HDAC9: variants seen among roughly 807,000 people sequenced by gnomAD.
HDAC9 encodes the protein MEF-2 interacting transcription repressor (MITR) protein.
Under a neutral mutation model 139.4 loss-of-function variants are expected in HDAC9, and 41 were observed. The observed-to-expected ratio is 0.29, with a 90% confidence interval of 0.23 to 0.38. HDAC9 has a LOEUF of 0.38. Ranked by LOEUF, HDAC9 falls within the 10% of genes least tolerant of loss-of-function variation. The pLI, the probability that HDAC9 is intolerant of heterozygous loss-of-function variation, is 1.00. For missense variants in HDAC9, 1,147 were observed against 1,297.0 expected, an observed-to-expected ratio of 0.88 and a Z score of 1.78; for synonymous variants, 517 against 476.2, an observed-to-expected ratio of 1.09 and a Z score of -1.12.
chr7:18,680,227 C>CTA, intron 12 of HDAC9, among the ~76,000 whole-genome samples: 1 of 152,104 alleles, frequency 6.6e-6, no homozygotes, highest in Admixed American at 6.6e-5. Context: ...TGTGGGGAGC[C>CTA]TACTAGGAGA....
chr7:18,515,683 T>C (rs1402023464), intron 2 of HDAC9, among the ~76,000 whole-genome samples: 1 of 152,192 alleles, frequency 6.6e-6, no homozygotes, highest in Non-Finnish European at 1.5e-5. Context: ...GAAATAGTTA[T>C]AAAATAAAAA....
chr7:18,194,220 A>C (rs1266132224), intron 2 of HDAC9, among the ~76,000 whole-genome samples: 5 of 152,094 alleles, frequency 3.3e-5, no homozygotes, highest in Admixed American at 1.3e-4. Flanking sequence ...TTCTACTTGC[A>C]TTCTTGATTA....
intron 22 of HDAC9, among the ~76,000 whole-genome samples, chr7:18,928,599 CAG>C (rs1204209137): frequency 6.6e-6 from 1 of 152,086 alleles, no homozygotes; most frequent in Non-Finnish European, 1.5e-5. Context: ...TATCTAAAAA[CAG>C]AATTGCTTGG....
At chr7:18,169,907 C>T (rs1353612472) in intron 2 of HDAC9, among the ~76,000 whole-genome samples, 1 of 152,156 alleles carries the variant, frequency 6.6e-6, no homozygotes, top group Non-Finnish European at 1.5e-5. Context: ...GCGAATAGTG[C>T]CGCAATAAAC....
At chr7:18,534,348 C>G (rs1810133632) in intron 2 of HDAC9, among the ~76,000 whole-genome samples, 2 of 151,964 alleles carry the variant, frequency 1.3e-5, no homozygotes, top group South Asian at 4.1e-4. Flanking sequence ...TGAGACCAGC[C>G]TGGACAACAC....
intron 1 of HDAC9, among the ~76,000 whole-genome samples, chr7:18,362,386 G>A (rs569212617): frequency 1.3e-4 from 20 of 152,106 alleles, no homozygotes; most frequent in African/African-American, 4.6e-4. Context: ...TAACAATCAT[G>A]GTAACTTAAA....
At chr7:18,985,659 T>C (rs1385290290) in intron 25 of HDAC9, among the ~76,000 whole-genome samples, 1 of 145,810 alleles carries the variant, frequency 6.9e-6, no homozygotes, top group Non-Finnish European at 1.5e-5. Flanking sequence ...ACTTCCACAA[T>C]GGTTGAACTA....
chr7:18,160,982 T>C (rs1178866275), intron 1 of HDAC9, among the ~76,000 whole-genome samples: 1 of 152,188 alleles, frequency 6.6e-6, no homozygotes, highest in Non-Finnish European at 1.5e-5. Flanking sequence ...AAGTTTGCTT[T>C]TCATTTTTAT....
intron 2 of HDAC9, among the ~76,000 whole-genome samples, chr7:18,183,061 G>C (rs558068900): frequency 5.3e-5 from 8 of 150,736 alleles, no homozygotes; most frequent in Admixed American, 1.3e-4. Context: ...CCGTGCTGGA[G>C]TGCAGTGGCG....
upstream of HDAC9, among the ~76,000 whole-genome samples, chr7:18,288,036 C>G (rs1417460902): frequency 1.3e-5 from 2 of 152,188 alleles, no homozygotes; most frequent in South Asian, 4.1e-4. Context: ...TTTCCTAAGA[C>G]TACAGCTACT....
At chr7:18,960,683 T>A (rs1783470002) in intron 24 of HDAC9, among the ~76,000 whole-genome samples, 1 of 152,146 alleles carries the variant, frequency 6.6e-6, no homozygotes, top group African/African-American at 2.4e-5. Flanking sequence ...GAAAAGGCTA[T>A]AAAAGTAAAA....
intron 1 of HDAC9, among the ~76,000 whole-genome samples, chr7:18,142,532 A>G (rs1447887384): frequency 1.3e-5 from 2 of 152,354 alleles, no homozygotes; most frequent in East Asian, 3.9e-4. Flanking sequence ...GAACGTCACC[A>G]CATGGAACTT....
At chr7:18,876,805 C>G (rs1357529918) in intron 22 of HDAC9, among the ~76,000 whole-genome samples, 1 of 151,400 alleles carries the variant, frequency 6.6e-6, no homozygotes, top group Non-Finnish European at 1.5e-5. Context: ...CGGGTTTAAG[C>G]AGTTCCCCTC....
intron 17 of HDAC9, among the ~76,000 whole-genome samples, chr7:18,826,438 G>A (rs1051676310): frequency 1.3e-5 from 2 of 152,278 alleles, no homozygotes; most frequent in African/African-American, 4.8e-5. Context: ...ATTCCTGAGA[G>A]CACAATGCGA....
intron 12 of HDAC9, among the ~76,000 whole-genome samples, chr7:18,685,628 A>G (rs866981181): frequency 2.8e-4 from 42 of 151,924 alleles, no homozygotes; most frequent in African/African-American, 4.1e-4. Flanking sequence ...TAGTAGAAAA[A>G]AGATTTGTTC....
intron 1 of HDAC9, among the ~76,000 whole-genome samples, chr7:18,488,355 A>G (rs951630497): frequency 2.0e-5 from 3 of 152,064 alleles, no homozygotes; most frequent in African/African-American, 4.8e-5. Context: ...GTTGATATGT[A>G]CTGATACATT....
intron 22 of HDAC9, among the ~76,000 whole-genome samples, chr7:18,902,463 A>C (rs954912676): frequency 6.6e-6 from 1 of 152,226 alleles, no homozygotes; most frequent in Non-Finnish European, 1.5e-5. Context: ...GTTTGAAACC[A>C]AACTATGAAA....
At chr7:18,805,127 A>T (rs932247068) in intron 17 of HDAC9, among the ~76,000 whole-genome samples, 2 of 152,194 alleles carry the variant, frequency 1.3e-5, no homozygotes, top group Non-Finnish European at 2.9e-5. Context: ...GAATTTAAGT[A>T]TTCTGACTAT....
intron 16 of HDAC9, among the ~76,000 whole-genome samples, chr7:18,769,423 C>G (rs1790098119): frequency 6.6e-6 from 1 of 152,014 alleles, no homozygotes; most frequent in Non-Finnish European, 1.5e-5. Context: ...ATGGTGGCAG[C>G]AGTGGTGGTG....
Sources: gnomAD v4.1 joint callset for allele counts (sites outside exome capture counted in the v4.1 genomes callset) on GRCh38, gnomAD v4.1.1 for gene constraint, MANE v1.5 for transcripts, NCBI Gene and HGNC (gene_info 2026-07-23, HGNC 2026-07-21) for gene names.